EPHA3: variants seen among roughly 807,000 people sequenced by gnomAD.
The protein encoded by EPHA3 is EPH receptor A3, also known as ephrin type-A receptor 3.
In EPHA3, 42 loss-of-function variants were observed where a neutral mutation model predicts 107.1. The observed-to-expected ratio is 0.39, with a 90% CI of 0.31 to 0.51. The LOEUF (loss-of-function observed/expected upper bound fraction) is 0.51. EPHA3 is among the 20% of genes least tolerant of loss of function. EPHA3 has a pLI of 0.78. For missense variants in EPHA3, 1,183 were observed against 1,211.2 expected (o/e 0.98, Z 0.35); for synonymous variants, 461 against 424.8 (o/e 1.09, Z -1.05).
chr3:89,226,000 G>A (rs1704493146), intron 3 of EPHA3, among the ~76,000 whole-genome samples: 1 of 152,080 alleles, frequency 6.6e-6, no homozygotes, highest in South Asian at 2.1e-4. Context: ...CGTAGTTGTG[G>A]CCTTGAGACA....
chr3:89,411,519 A>G (rs1402282406), intron 9 of EPHA3, among the ~76,000 whole-genome samples: 1 of 151,908 alleles, frequency 6.6e-6, no homozygotes, highest in Non-Finnish European at 1.5e-5. Context: ...ATAATAGCTG[A>G]GGAAAATAGA....
intron 3 of EPHA3, among the ~76,000 whole-genome samples, chr3:89,307,472 C>T (rs1706651129): frequency 6.6e-6 from 1 of 152,136 alleles, no homozygotes; most frequent in Non-Finnish European, 1.5e-5. Flanking sequence ...TGGAAAAAGT[C>T]AAGAGGCTAA....
chr3:89,272,461 A>G (rs2107300259), intron 3 of EPHA3, among the ~76,000 whole-genome samples: 1 of 152,134 alleles, frequency 6.6e-6, no homozygotes, highest in South Asian at 2.1e-4. Context: ...AAAATGATGC[A>G]GTGTATTTCA....
intron 1 of EPHA3, among the ~76,000 whole-genome samples, chr3:89,115,355 A>T (rs748867667): frequency 6.6e-6 from 1 of 151,984 alleles, no homozygotes; most frequent in Non-Finnish European, 1.5e-5. Flanking sequence ...GTGCATATTC[A>T]AAAGTTGTCT....
At chr3:89,292,077 C>T (rs1706220279) in intron 3 of EPHA3, among the ~76,000 whole-genome samples, 2 of 152,064 alleles carry the variant, frequency 1.3e-5, no homozygotes, top group South Asian at 4.1e-4. Flanking sequence ...GGAACAAAGA[C>T]ACTATAATTC....
At chr3:89,388,801 C>T (rs1361931071) in intron 5 of EPHA3, among the ~76,000 whole-genome samples, 1 of 152,100 alleles carries the variant, frequency 6.6e-6, no homozygotes, top group African/African-American at 2.4e-5. Context: ...CCAGACCGTT[C>T]TGTTGGAGCT....
intron 11 of EPHA3, among the ~76,000 whole-genome samples, chr3:89,421,395 TA>T (rs1431936940): frequency 5.3e-5 from 8 of 151,262 alleles, no homozygotes; most frequent in Non-Finnish European, 5.9e-5. Context: ...CTTTTAACAA[TA>T]GGTCTTTCTT....
Position 89,125,122 on chromosome 3 carries a change from C to T in EPHA3, c.89-2087C>T, listed in dbSNP as rs1704065389. ...TCTGGTTACTAATACTGAGATTAAACTAGTGATTGATCTTAACATGTGGAG... is the reference window on the plus strand; with the variant it reads ...TCTGGTTACTAATACTGAGATTAAATTAGTGATTGATCTTAACATGTGGAG... On this transcript the variant is annotated intron_variant, in intron 1 of 16. Coordinates refer to ENST00000336596, the MANE Select transcript of EPHA3 (RefSeq NM_005233.6). 2.0e-5 allele frequency among the ~76,000 whole-genome samples: 3 copies of T among 151,894 alleles called. No individual in the cohort carries two copies. In the South Asian group the frequency reaches 6.2e-4, roughly 32 times the overall value.
chr3:89,331,101 T>C (rs570354353), intron 3 of EPHA3, among the ~76,000 whole-genome samples: 2 of 152,264 alleles, frequency 1.3e-5, no homozygotes, highest in African/African-American at 4.8e-5. Context: ...TTGCCCCACA[T>C]AGAGTGTGCA....
chr3:89,129,996 T>A (rs1046463413), intron 2 of EPHA3, among the ~76,000 whole-genome samples: 2 of 152,150 alleles, frequency 1.3e-5, no homozygotes, highest in African/African-American at 2.4e-5. Context: ...TTATACCATA[T>A]TAAATCACTG....
chr3:89,134,432 TG>T (rs150716659), intron 2 of EPHA3, among the ~76,000 whole-genome samples: 35,267 of 151,802 alleles, frequency 0.23, 4,214 homozygotes, highest in Middle Eastern at 0.33. Context: ...GTGTTCTCAT[TG>T]TTCAGTTCCC....
chr3:89,236,696 C>T lies in EPHA3; in HGVS notation c.814+26176C>T, dbSNP rs149753800. On this transcript the variant is annotated intron_variant, in intron 3 of 16. Coordinates refer to ENST00000336596, the MANE Select transcript of EPHA3 (RefSeq NM_005233.6). ...TGTATACATATGTAACTAACCTGCG[C>T]ATTGTGCACATGTACCCTAAAACTT... Among the ~76,000 whole-genome samples, 480 of 151,274 alleles carry T rather than the reference C, an allele frequency of 3.2e-3. 20 individuals are homozygous for T. The East Asian group carries it at 0.085, about 27-fold the overall frequency.
At chr3:89,432,793 G>A (rs1423283546) in intron 13 of EPHA3, among the ~76,000 whole-genome samples, 1 of 151,704 alleles carries the variant, frequency 6.6e-6, no homozygotes, top group East Asian at 1.9e-4. Context: ...TTTATATACT[G>A]ATATATAAAA....
At chr3:89,235,214 G>T (rs1704729706) in intron 3 of EPHA3, among the ~76,000 whole-genome samples, 1 of 151,792 alleles carries the variant, frequency 6.6e-6, no homozygotes, top group Admixed American at 6.6e-5. Context: ...GAGCCACCCT[G>T]CCCAGCCTGG....
At chr3:89,258,872 C>A (rs1306476823) in intron 3 of EPHA3, among the ~76,000 whole-genome samples, 1 of 152,138 alleles carries the variant, frequency 6.6e-6, no homozygotes, top group African/African-American at 2.4e-5. Context: ...AGTTTTGCAC[C>A]CTGAGTGTTG....
At chr3:89,169,061 G>C (rs912779740) in intron 2 of EPHA3, among the ~76,000 whole-genome samples, 1 of 152,118 alleles carries the variant, frequency 6.6e-6, no homozygotes, top group Non-Finnish European at 1.5e-5. Context: ...TCCTTGGCTG[G>C]AGGTTTGGAC....
chr3:89,185,960 T>C (rs557415004), intron 2 of EPHA3, among the ~76,000 whole-genome samples: 6 of 152,214 alleles, frequency 3.9e-5, no homozygotes, highest in Admixed American at 2.0e-4. Flanking sequence ...CTTATTTTGT[T>C]TGCAAGAAGG....
rs532062689 is a variant in EPHA3, at chr3:89,261,721, C to G, written c.814+51201C>G. On this transcript the variant is annotated intron_variant, in intron 3 of 16. Coordinates refer to ENST00000336596, the MANE Select transcript of EPHA3 (RefSeq NM_005233.6). ...AGTGGCCACAAGTATCAGATACGCA[C>G]TCATTTATAACTCTAGTATATTGTC... Among the ~76,000 whole-genome samples, 132 of 152,070 alleles carry G rather than the reference C, an allele frequency of 8.7e-4. 1 individual carries two copies. The highest frequency in any genetic ancestry group is 1.5e-3 in the Non-Finnish European group (105 of 68,000).
intron 12 of EPHA3, among the ~76,000 whole-genome samples, chr3:89,430,129 A>G (rs1709538194): frequency 6.6e-6 from 1 of 152,188 alleles, no homozygotes; most frequent in South Asian, 2.1e-4. Context: ...TATTTCAACA[A>G]ATGTTATGTT....
Sources: gnomAD v4.1 joint callset for allele counts (sites outside exome capture counted in the v4.1 genomes callset) on GRCh38, gnomAD v4.1.1 for gene constraint, MANE v1.5 for transcripts, NCBI Gene and HGNC (gene_info 2026-07-23, HGNC 2026-07-21) for gene names.